The following SMAD2 variants were observed in gnomAD, a reference collection of about 807,000 sequenced individuals.
SMAD2 encodes the protein MAD homolog 2.
Under a neutral mutation model 64.4 loss-of-function variants are expected in SMAD2, and 8 were observed. The observed-to-expected ratio is 0.12, with a 90% confidence interval of 0.07 to 0.22. SMAD2 has a LOEUF of 0.22. SMAD2 is among the 10% of genes least tolerant of loss of function. The pLI is 1.00. For missense variants in SMAD2, 289 were observed against 561.2 expected, an observed-to-expected ratio of 0.51 and a Z score of 4.90; for synonymous variants, 203 against 195.8, an observed-to-expected ratio of 1.04 and a Z score of -0.31.
intron 6 of SMAD2, among the ~76,000 whole-genome samples, chr18:47,852,576 G>C (rs1834691176): frequency 6.6e-6 from 1 of 152,160 alleles, no homozygotes; most frequent in African/African-American, 2.4e-5. Flanking sequence ...GGTTTAAATA[G>C]TATTATAACA....
intron 2 of SMAD2, among the ~76,000 whole-genome samples, chr18:47,891,440 A>C (rs1005062724): frequency 7.2e-5 from 11 of 152,016 alleles, no homozygotes; most frequent in Non-Finnish European, 1.5e-4. Flanking sequence ...CAGGGGTGGG[A>C]GGGAGACTGA....
rs568978006 is a variant in SMAD2 at position 47,845,245 on chromosome 18, T to C, written c.1280+95A>G. The C allele has an allele frequency of 6.0e-5, 76 of 1,276,432 alleles. 1 individual carries two copies. Among genetic ancestry groups the C allele is most frequent in the South Asian group, 1.2e-4 (10 of 84,364 alleles). The allele number at this position is 1,276,432 out of a possible 1,614,324, so 79.1% of individuals were successfully genotyped here. A position where few individuals can be genotyped will look rare whatever the true frequency, so the allele number is the denominator to read the frequency against. ...AAGATCAGCTGACTCTATAACCTCATTGAAAATAGATACAAATGAACTCCA... is the reference window on the plus strand; with the variant it reads ...AAGATCAGCTGACTCTATAACCTCACTGAAAATAGATACAAATGAACTCCA... On this transcript the variant is annotated intron_variant, in intron 10 of 10. Coordinates refer to ENST00000262160, the MANE Select transcript of SMAD2 (RefSeq NM_005901.6).
intron 8 of SMAD2, among the ~76,000 whole-genome samples, chr18:47,846,462 A>G (rs1307084236): frequency 6.6e-6 from 1 of 152,204 alleles, no homozygotes; most frequent in African/African-American, 2.4e-5. Context: ...TCTGTTAATC[A>G]AACACTAGGT....
chr18:47,835,168 G>A lies in SMAD2; in HGVS notation c.*6659C>T, dbSNP rs555969870. On this transcript the variant is annotated 3_prime_UTR_variant, in exon 11 of 11. Transcript: ENST00000262160. Reference sequence around the variant, plus strand: ...ATCACTAATAAAAAGATACAAATATGCCTTTCAAGTCAGGGTTGGAAAAGC... The same window carrying A: ...ATCACTAATAAAAAGATACAAATATACCTTTCAAGTCAGGGTTGGAAAAGC... 4 of 218,966 alleles carry A rather than the reference G, an allele frequency of 1.8e-5. No individual in the cohort carries two copies. The highest frequency in any genetic ancestry group is 9.0e-5 in the African/African-American group (4 of 44,618). The allele number at this position is 218,966 out of a possible 1,614,324, so 13.6% of individuals were successfully genotyped here.
rs551119473 is a variant in SMAD2 at position 47,825,168 on chromosome 18, T to C, written c.*16659A>G. 1.3e-5 allele frequency: 2 copies of C among 152,314 alleles called. No individual in the cohort carries two copies. Among genetic ancestry groups the C allele is most frequent in the African/African-American group, 4.8e-5 (2 of 41,566 alleles). The allele number at this position is 152,314 out of a possible 1,614,324, so 9.4% of individuals were successfully genotyped here. On this transcript the variant is annotated 3_prime_UTR_variant, in exon 11 of 11. Coordinates refer to ENST00000262160, the MANE Select transcript of SMAD2 (RefSeq NM_005901.6). ...GATGAGCGTGGGGAAGGGAAGCCCA[T>C]TTAAACATATATTCAAGGAAAAATA...
Position 47,834,426 on chromosome 18 carries a change from G to A in SMAD2, c.*7401C>T, listed in dbSNP as rs1321614927. The A allele has an allele frequency of 4.8e-6, 1 of 206,322 alleles. No homozygotes were observed. The highest frequency in any genetic ancestry group is 2.3e-5 in the African/African-American group (1 of 43,750). The allele number at this position is 206,322 out of a possible 1,614,324, so 12.8% of individuals were successfully genotyped here. The stretch of plus-strand genomic sequence containing the variant: ...ACTCTGCTAAAAGTTTTGTATCCAG[G>A]GAAAGTCCCGCATCCAGGGAAACCC... On this transcript the variant is annotated 3_prime_UTR_variant, in exon 11 of 11. Coordinates refer to ENST00000262160, the MANE Select transcript of SMAD2 (RefSeq NM_005901.6).
At chr18:47,927,083 T>C (rs1371895974) in intron 1 of SMAD2, among the ~76,000 whole-genome samples, 1 of 152,222 alleles carries the variant, frequency 6.6e-6, no homozygotes, top group Non-Finnish European at 1.5e-5. Flanking sequence ...TTTTACACTA[T>C]TCCCGATCCT....
At chr18:47,856,500 G>A (rs886324669) in intron 6 of SMAD2, among the ~76,000 whole-genome samples, 1 of 152,106 alleles carries the variant, frequency 6.6e-6, no homozygotes, top group Non-Finnish European at 1.5e-5. Flanking sequence ...ACAGACTAAA[G>A]TGTTCACAAA....
intron 2 of SMAD2, among the ~76,000 whole-genome samples, chr18:47,884,513 A>G (rs1307923965): frequency 6.6e-6 from 1 of 152,228 alleles, no homozygotes; most frequent in East Asian, 1.9e-4. Context: ...ATCAAAGCTA[A>G]AACAATAAAA....
chr18:47,907,296 A>G (rs1399383360), intron 1 of SMAD2, among the ~76,000 whole-genome samples: 1 of 152,232 alleles, frequency 6.6e-6, no homozygotes, highest in African/African-American at 2.4e-5. Flanking sequence ...AAGAAAACAA[A>G]TAATTATAGT....
rs186716565 is a variant in SMAD2 at position 47,821,083 on chromosome 18, C to T, written c.*20744G>A. On this transcript the variant is annotated 3_prime_UTR_variant, in exon 11 of 11. Coordinates refer to ENST00000262160, the MANE Select transcript of SMAD2 (RefSeq NM_005901.6). Reference sequence around the variant, plus strand: ...TTTCTGCCATATTTCCTTCTGAGATCCGTTTAATTTCCCCTAGATTCAGGT... The same window carrying T: ...TTTCTGCCATATTTCCTTCTGAGATTCGTTTAATTTCCCCTAGATTCAGGT... 1.3e-5 allele frequency: 2 copies of T among 152,202 alleles called. No individual in the cohort carries two copies. The highest frequency in any genetic ancestry group is 4.8e-5 in the African/African-American group (2 of 41,544). The allele number at this position is 152,202 out of a possible 1,614,324, so 9.4% of individuals were successfully genotyped here.
Position 47,832,693 on chromosome 18 carries a change from TA to T in SMAD2, c.*9133del, listed in dbSNP as rs1056583233. On this transcript the variant is annotated 3_prime_UTR_variant, in exon 11 of 11. Transcript: ENST00000262160. ...TATCTAGTATTTTTCAATGGAGCCT[TA>T]AAAATGTTATTTTGTTAAAAGTATA... 13 of 152,178 alleles carry T rather than the reference TA, an allele frequency of 8.5e-5. No individual in the cohort carries two copies. The highest frequency in any genetic ancestry group is 3.1e-4 in the African/African-American group (13 of 41,446). The allele number at this position is 152,178 out of a possible 1,614,324, so 9.4% of individuals were successfully genotyped here.
intron 2 of SMAD2, among the ~76,000 whole-genome samples, chr18:47,877,993 G>C (rs933199539): frequency 2.0e-5 from 3 of 152,154 alleles, no homozygotes; most frequent in Admixed American, 2.0e-4. Context: ...CCTTCACTCT[G>C]TGTAGAAAAT....
At chr18:47,875,710 T>A (rs1046349306) in intron 2 of SMAD2, among the ~76,000 whole-genome samples, 4 of 152,140 alleles carry the variant, frequency 2.6e-5, no homozygotes, top group African/African-American at 9.6e-5. Flanking sequence ...ATTTTATTTA[T>A]AAGGGGCATC....
Position 47,828,056 on chromosome 18 carries a change from C to A in SMAD2, c.*13771G>T. 5.8e-6 allele frequency: 1 copy of A among 172,004 alleles called. No individual in the cohort carries two copies. Among genetic ancestry groups the A allele is most frequent in the Middle Eastern group, 2.6e-3 (1 of 388 alleles). 10.7% of individuals were successfully genotyped at this position (172,004 alleles called of 1,614,324 possible). A position where few individuals can be genotyped will look rare whatever the true frequency, so the allele number is the denominator to read the frequency against. Reference sequence around the variant, plus strand: ...GGGGAGCGCCTCTGCCCCGCCGCCCCGTCTGGGATGTGAGGAGTGTCTCTG... The same window carrying A: ...GGGGAGCGCCTCTGCCCCGCCGCCCAGTCTGGGATGTGAGGAGTGTCTCTG... On this transcript the variant is annotated 3_prime_UTR_variant, in exon 11 of 11. Coordinates refer to ENST00000262160, the MANE Select transcript of SMAD2 (RefSeq NM_005901.6).
chr18:47,830,267 G>A lies in SMAD2; in HGVS notation c.*11560C>T, dbSNP rs1423581465. 1 of 152,044 alleles carries A rather than the reference G, an allele frequency of 6.6e-6. No homozygotes were observed. Among genetic ancestry groups the A allele is most frequent in the African/African-American group, 2.4e-5 (1 of 41,398 alleles). 9.4% of individuals were successfully genotyped at this position (152,044 alleles called of 1,614,324 possible). ...CCTATAAAACATTTTTATTCCAGGT[G>A]GTAAGCTGGCTTAAATTTTCACTTT... On this transcript the variant is annotated 3_prime_UTR_variant, in exon 11 of 11. Transcript: ENST00000262160.
At chr18:47,912,858 CAA>C (rs566813544) in intron 1 of SMAD2, among the ~76,000 whole-genome samples, 720 of 59,200 alleles carry the variant, frequency 0.012, 3 homozygotes, top group African/African-American at 0.034. Context: ...GTATAAACAG[CAA>C]AAAAAAAAAA....
chr18:47,896,957 CTT>C, intron 1 of SMAD2, 148 bp from the exon 2 acceptor site: 1 of 704,658 alleles, frequency 1.4e-6, no homozygotes, highest in Non-Finnish European at 2.4e-6. Flanking sequence ...AAAACGTTAT[CTT>C]TATGAATTTA....
intron 1 of SMAD2, 63 bp from the exon 2 acceptor site, chr18:47,896,872 T>G: frequency 6.9e-7 from 1 of 1,458,094 alleles, no homozygotes; most frequent in Non-Finnish European, 9.3e-7. Flanking sequence ...TAATTTCAAC[T>G]TATCATAGAA....
Sources: gnomAD v4.1 joint callset for allele counts (sites outside exome capture counted in the v4.1 genomes callset) on GRCh38, gnomAD v4.1.1 for gene constraint, MANE v1.5 for transcripts, NCBI Gene and HGNC (gene_info 2026-07-23, HGNC 2026-07-21) for gene names.